PCDH9: variants seen among roughly 807,000 people sequenced by gnomAD.
PCDH9 encodes protocadherin-9.
In PCDH9, 24 loss-of-function variants were observed where a neutral mutation model predicts 70.6. The ratio of observed to expected loss-of-function variants is 0.34; its 90% CI spans 0.25 to 0.48. The LOEUF is 0.48. Ranked by LOEUF, PCDH9 falls within the 20% of genes least tolerant of loss-of-function variation. The pLI is 0.99. For missense variants in PCDH9, 1,281 were observed against 1,503.6 expected (o/e 0.85, Z 2.45); for synonymous variants, 562 against 558.5 (o/e 1.01, Z -0.09).
At chr13:66,914,383 T>C (rs1424570656) in intron 2 of PCDH9, 1 of 151,884 alleles carries the variant, frequency 6.6e-6, no homozygotes, top group Admixed American at 6.6e-5. Flanking sequence ...TTACTGTTTA[T>C]CTTTTAATCC....
chr13:67,215,800 A>C (rs146567394), intron 2 of PCDH9: 1 of 152,214 alleles, frequency 6.6e-6, no homozygotes, highest in Admixed American at 6.6e-5. Context: ...TTCAGGTTGC[A>C]TCAAAATTTA....
At chr13:66,693,898 A>C (rs546230096) in intron 3 of PCDH9, among the ~76,000 whole-genome samples, 3 of 152,354 alleles carry the variant, frequency 2.0e-5, no homozygotes, top group Middle Eastern at 3.4e-3. Flanking sequence ...AGAGAGTAGA[A>C]TATATTACAA....
chr13:66,779,864 T>TAC (rs2079965781), intron 3 of PCDH9, among the ~76,000 whole-genome samples: 1 of 70,818 alleles, frequency 1.4e-5, no homozygotes, highest in African/African-American at 4.8e-5. Context: ...TATATATATA[T>TAC]ATACATATAT....
intron 4 of PCDH9, among the ~76,000 whole-genome samples, chr13:66,610,576 G>T (rs2077281859): frequency 6.6e-6 from 1 of 152,022 alleles, no homozygotes; most frequent in Admixed American, 6.6e-5. Context: ...TGGAGTATTG[G>T]TATTTCTGGC....
chr13:66,779,849 C>CTATATATA (rs1185055569), intron 3 of PCDH9, among the ~76,000 whole-genome samples: 3,405 of 78,730 alleles, frequency 0.043, 101 homozygotes, highest in Middle Eastern at 0.057. Context: ...CTCTCTCTCT[C>CTATATATA]TATATATATA....
intron 4 of PCDH9, among the ~76,000 whole-genome samples, chr13:66,586,057 G>A (rs1397140144): frequency 7.2e-5 from 11 of 152,118 alleles, no homozygotes; most frequent in African/African-American, 2.4e-4. Context: ...TTCTAGCTAT[G>A]AGACAGGAGC....
At chr13:67,166,173 T>A (rs1479847493) in intron 2 of PCDH9, among the ~76,000 whole-genome samples, 1 of 152,174 alleles carries the variant, frequency 6.6e-6, no homozygotes, top group Non-Finnish European at 1.5e-5. Context: ...CCACTATAAC[T>A]CCCTGGCTTC....
At chr13:67,153,165 C>T (rs1182773704) in intron 2 of PCDH9, among the ~76,000 whole-genome samples, 3 of 143,552 alleles carry the variant, frequency 2.1e-5, no homozygotes, top group Admixed American at 2.0e-4. Flanking sequence ...TTCCCTTTCA[C>T]AGTTTTTTTT....
At chr13:66,891,417 G>GA (rs2082093489) in intron 3 of PCDH9, among the ~76,000 whole-genome samples, 1 of 151,912 alleles carries the variant, frequency 6.6e-6, no homozygotes, top group Non-Finnish European at 1.5e-5. Context: ...CACCACTTTA[G>GA]AAAAAATATT....
intron 3 of PCDH9, among the ~76,000 whole-genome samples, chr13:66,804,382 A>G (rs867397814): frequency 6.6e-6 from 1 of 152,216 alleles, no homozygotes; most frequent in African/African-American, 2.4e-5. Context: ...TGAGAAAATA[A>G]TACCTTTCAA....
chr13:67,120,487 C>T (rs1566437582), intron 2 of PCDH9, among the ~76,000 whole-genome samples: 1 of 152,052 alleles, frequency 6.6e-6, no homozygotes, highest in African/African-American at 2.4e-5. Flanking sequence ...GCCCTTGCTC[C>T]TTTGCTTCTT....
At chr13:66,488,479 A>G (rs774207091) in intron 4 of PCDH9, among the ~76,000 whole-genome samples, 35 of 152,176 alleles carry the variant, frequency 2.3e-4, no homozygotes, top group Non-Finnish European at 3.1e-4. Flanking sequence ...TTAAAAAGTG[A>G]TAAATCGTGA....
chr13:66,501,355 C>T (rs1396314004), intron 4 of PCDH9, among the ~76,000 whole-genome samples: 1 of 152,054 alleles, frequency 6.6e-6, no homozygotes, highest in African/African-American at 2.4e-5. Flanking sequence ...AGTATTTCAT[C>T]ATGTTGTGAA....
chr13:67,106,588 G>T (rs2086548596), intron 2 of PCDH9, among the ~76,000 whole-genome samples: 2 of 152,232 alleles, frequency 1.3e-5, no homozygotes, highest in Non-Finnish European at 2.9e-5. Flanking sequence ...AAACATGCTG[G>T]CTGCAGCGGA....
At chr13:66,525,488 C>T (rs1380034536) in intron 4 of PCDH9, among the ~76,000 whole-genome samples, 2 of 152,116 alleles carry the variant, frequency 1.3e-5, no homozygotes, top group Non-Finnish European at 2.9e-5. Flanking sequence ...TTCTGGAACA[C>T]TTCCATTAGC....
At chr13:67,059,425 A>C (rs61961771) in intron 2 of PCDH9, among the ~76,000 whole-genome samples, 14,053 of 147,254 alleles carry the variant, frequency 0.095, 744 homozygotes, top group Non-Finnish European at 0.12. Flanking sequence ...TATATATAGT[A>C]TATACTATAT....
chr13:67,220,746 G>A (rs1045955237), intron 2 of PCDH9: 12 of 151,902 alleles, frequency 7.9e-5, no homozygotes, highest in African/African-American at 2.2e-4. Flanking sequence ...TTTTCTCTAC[G>A]TTAACAAATA....
chr13:66,851,174 A>G (rs2081308809), intron 3 of PCDH9, among the ~76,000 whole-genome samples: 2 of 152,298 alleles, frequency 1.3e-5, no homozygotes, highest in South Asian at 4.1e-4. Context: ...GCCCTTAGAC[A>G]ATTTTCCTTT....
At chr13:66,342,783 GTATTTATTTATTGTATTTATT>G (rs1243730693) in intron 4 of PCDH9, among the ~76,000 whole-genome samples, 69 of 143,266 alleles carry the variant, frequency 4.8e-4, no homozygotes, top group Middle Eastern at 3.5e-3. Flanking sequence ...CTGATTTATT[GTATTTATTTATTGTATTTATT>G]TATTTATTTA....
Sources: allele counts gnomAD v4.1 joint callset (sites outside exome capture counted in the v4.1 genomes callset), GRCh38; gene constraint gnomAD v4.1.1; transcripts MANE v1.5; gene names NCBI Gene and HGNC (gene_info 2026-07-23, HGNC 2026-07-21).